Variants in SYNGR1 observed in about 807,000 individuals in gnomAD.
SYNGR1 encodes synaptogyrin-1.
SYNGR1 carries 14 observed loss-of-function variants against 26.1 expected under a neutral mutation model. That is an observed-to-expected ratio of 0.54 (90% CI 0.35 to 0.84). The LOEUF is 0.84. Ranked by LOEUF, SYNGR1 falls within the 40% of genes least tolerant of loss-of-function variation. SYNGR1 has a pLI of 0.01. For missense variants in SYNGR1, 319 were observed against 332.9 expected (o/e 0.96, Z 0.33); for synonymous variants, 141 against 150.1 (o/e 0.94, Z 0.44).
intron 1 of SYNGR1, among the ~76,000 whole-genome samples, chr22:39,365,113 C>T (rs1055973966): frequency 1.3e-5 from 2 of 152,198 alleles, no homozygotes; most frequent in African/African-American, 4.8e-5. Context: ...GGGCCTCTGG[C>T]TCTGCCTCTG....
chr22:39,374,849 T>G, intron 2 of SYNGR1: 1 of 479,100 alleles, frequency 2.1e-6, no homozygotes, highest in Non-Finnish European at 3.9e-6. Context: ...CCCCATGGGT[T>G]GGCCCGTGTT....
chr22:39,374,250 C>T, intron 1 of SYNGR1, 66 bp from the exon 2 acceptor site: 14 of 1,517,984 alleles, frequency 9.2e-6, no homozygotes, highest in Non-Finnish European at 1.2e-5. Flanking sequence ...TGGCAGCCTC[C>T]CCGTCCCCTG....
intron 1 of SYNGR1, among the ~76,000 whole-genome samples, chr22:39,362,264 C>G (rs1924512202): frequency 6.6e-6 from 1 of 152,176 alleles, no homozygotes; most frequent in Non-Finnish European, 1.5e-5. Flanking sequence ...GGCCCAGCCT[C>G]AGCACCTTGG....
intron 1 of SYNGR1, among the ~76,000 whole-genome samples, chr22:39,358,125 A>G (rs967563083): frequency 2.6e-5 from 4 of 152,258 alleles, no homozygotes; most frequent in African/African-American, 9.6e-5. Context: ...TACACCAATC[A>G]GCACCCTGTG....
At chr22:39,377,106 G>T in intron 3 of SYNGR1, 3 of 1,543,628 alleles carry the variant, frequency 1.9e-6, no homozygotes, top group Non-Finnish European at 2.6e-6. Flanking sequence ...GAGCACTTCT[G>T]GGCCCAGCCT....
At chr22:39,378,408 CAG>C in intron 3 of SYNGR1, 1 of 981,070 alleles carries the variant, frequency 1.0e-6, no homozygotes, top group Non-Finnish European at 1.2e-6. Flanking sequence ...TTCTTCTCTC[CAG>C]AGAGTCAGGG....
At chr22:39,359,191 G>T (rs980175572) in intron 1 of SYNGR1, among the ~76,000 whole-genome samples, 1 of 152,176 alleles carries the variant, frequency 6.6e-6, no homozygotes, top group South Asian at 2.1e-4. Context: ...GCTGGGTGTA[G>T]AGGTCGACAG....
intron 1 of SYNGR1, among the ~76,000 whole-genome samples, chr22:39,351,291 G>C (rs763703072): frequency 2.6e-5 from 4 of 152,192 alleles, no homozygotes; most frequent in Non-Finnish European, 5.9e-5. Context: ...TCCTTTCCTT[G>C]GTTTTCAGGG....
chr22:39,350,212 C>A lies in SYNGR1; in HGVS notation c.99+103C>A, dbSNP rs1474977475. 3 of 779,594 alleles carry A rather than the reference C, an allele frequency of 3.8e-6. No individual in the cohort carries two copies. The highest frequency in any genetic ancestry group is 5.2e-5 in the Admixed American group (1 of 19,162). 48.3% of individuals were successfully genotyped at this position (779,594 alleles called of 1,614,324 possible). A position where few individuals can be genotyped will look rare whatever the true frequency, so the allele number is the denominator to read the frequency against. On this transcript the variant is annotated intron_variant, in intron 1 of 3. Transcript: ENST00000328933. The surrounding 1 kb of genome is among the most constrained non-coding windows in gnomAD (Gnocchi z 4.3). The stretch of plus-strand genomic sequence containing the variant: ...CCCGACCCCGACCCCAACGGGCCCC[C>A]GGCGGCGGCGCGGCGGCGGGCGAGG...
At chr22:39,355,617 A>G (rs1848611318) in intron 1 of SYNGR1, among the ~76,000 whole-genome samples, 1 of 152,262 alleles carries the variant, frequency 6.6e-6, no homozygotes, top group Admixed American at 6.5e-5. Flanking sequence ...GAGCAGGGCC[A>G]TCAGAGCGGG....
chr22:39,356,742 C>T (rs1924161923), intron 1 of SYNGR1, among the ~76,000 whole-genome samples: 1 of 152,156 alleles, frequency 6.6e-6, no homozygotes. Flanking sequence ...GTGCCTTGGC[C>T]TGGAGACCTG....
intron 1 of SYNGR1, among the ~76,000 whole-genome samples, chr22:39,365,988 CTTTTTTTTTTTT>C (rs777416803): frequency 5.8e-5 from 4 of 68,384 alleles, no homozygotes; most frequent in African/African-American, 2.1e-4. Flanking sequence ...TCAGCCCCTT[CTTTTTTTTTTTT>C]TTTTTTTTTT....
intron 1 of SYNGR1, among the ~76,000 whole-genome samples, chr22:39,370,626 T>C (rs1924973944): frequency 8.0e-6 from 1 of 124,914 alleles, no homozygotes; most frequent in Non-Finnish European, 1.6e-5. Context: ...TCTCTAACCA[T>C]TTTTTTTTTT....
intron 3 of SYNGR1, chr22:39,378,063 A>G: frequency 2.5e-6 from 3 of 1,186,764 alleles, no homozygotes; most frequent in Non-Finnish European, 3.2e-6. Flanking sequence ...TGGGCTGCCT[A>G]GAGGCGTTCA....
rs1925613646 is a variant in SYNGR1 at position 39,384,983 on chromosome 22, A to T, written c.*3069A>T. On this transcript the variant is annotated 3_prime_UTR_variant, in exon 4 of 4. Transcript: ENST00000328933. Reference sequence around the variant, plus strand: ...TATCCACCTGGGGGTGTCGCAGTTGAGGGGCTAATTCCCAGGGGACTGACG... The same window carrying T: ...TATCCACCTGGGGGTGTCGCAGTTGTGGGGCTAATTCCCAGGGGACTGACG... 2.5e-6 allele frequency: 1 copy of T among 398,688 alleles called. No individual in the cohort carries two copies. Among genetic ancestry groups the T allele is most frequent in the African/African-American group, 2.1e-5 (1 of 48,604 alleles). 24.7% of individuals were successfully genotyped at this position (398,688 alleles called of 1,614,324 possible).
chr22:39,376,283 C>T (rs1242924889), intron 3 of SYNGR1, 86 bp downstream of exon 3: 2 of 1,603,436 alleles, frequency 1.2e-6, no homozygotes, highest in African/African-American at 1.3e-5. Context: ...TAGCCTGGGA[C>T]CCGCTCTGCC....
intron 1 of SYNGR1, among the ~76,000 whole-genome samples, chr22:39,361,999 T>C (rs989120603): frequency 7.0e-6 from 1 of 142,778 alleles, no homozygotes; most frequent in African/African-American, 2.7e-5. Context: ...TGGGTCTTTG[T>C]TTCCTCCTTT....
chr22:39,359,331 GC>G (rs904133492), intron 1 of SYNGR1, among the ~76,000 whole-genome samples: 6 of 151,870 alleles, frequency 4.0e-5, no homozygotes, highest in Admixed American at 1.3e-4. Flanking sequence ...CTTCAAAGAT[GC>G]CCCCCCAGGC....
intron 1 of SYNGR1, among the ~76,000 whole-genome samples, chr22:39,351,756 A>G (rs1923917914): frequency 6.6e-6 from 1 of 152,244 alleles, no homozygotes. Context: ...AGCGTGACTC[A>G]GAAGCAGCCC....
Sources: gnomAD v4.1 joint callset for allele counts (sites outside exome capture counted in the v4.1 genomes callset) on GRCh38, gnomAD v4.1.1 for gene constraint, Gnocchi (gnomAD v3.1) non-coding constraint, MANE v1.5 for transcripts, NCBI Gene and HGNC (gene_info 2026-07-23, HGNC 2026-07-21) for gene names.